The following COMMD1 variants were observed in gnomAD, a reference collection of about 807,000 sequenced individuals.
The protein encoded by COMMD1 is copper metabolism domain containing 1.
Under a neutral mutation model 17.2 loss-of-function variants are expected in COMMD1, and 10 were observed. That is an observed-to-expected ratio of 0.58 (90% CI 0.36 to 0.99). The LOEUF (loss-of-function observed/expected upper bound fraction) is 0.99, where lower values mean the gene tolerates loss of function less well. COMMD1 is among the 50% of genes least tolerant of loss of function. COMMD1 has a pLI of 0.01. For synonymous variants in COMMD1, 97 were observed against 91.6 expected, an observed-to-expected ratio of 1.06 and a Z score of -0.34; for missense variants, 270 against 231.8, an observed-to-expected ratio of 1.17 and a Z score of -1.07.
At chr2:62,041,960 G>C (rs543350098) in intron 2 of COMMD1, among the ~76,000 whole-genome samples, 2 of 152,218 alleles carry the variant, frequency 1.3e-5, no homozygotes, top group African/African-American at 4.8e-5. Context: ...TGTGGAAGAG[G>C]ACCTCAGCGG....
At chr2:61,921,589 G>A (rs1263941542) in intron 1 of COMMD1, among the ~76,000 whole-genome samples, 13 of 152,092 alleles carry the variant, frequency 8.5e-5, no homozygotes, top group Non-Finnish European at 1.9e-4. Flanking sequence ...GACTATAGGG[G>A]CCTGCCACCA....
chr2:62,101,105 A>AAG (rs1672165971), intron 2 of COMMD1, among the ~76,000 whole-genome samples: 1 of 151,338 alleles, frequency 6.6e-6, no homozygotes, highest in South Asian at 2.1e-4. Flanking sequence ...TTTAAAAAAA[A>AAG]AAAAAATGAG....
chr2:62,058,688 A>G (rs1404140558), intron 2 of COMMD1, among the ~76,000 whole-genome samples: 1 of 152,066 alleles, frequency 6.6e-6, no homozygotes, highest in African/African-American at 2.4e-5. Flanking sequence ...GCAGTGAGCC[A>G]TTATCGTGCT....
intron 2 of COMMD1, among the ~76,000 whole-genome samples, chr2:62,008,451 A>C (rs1044327811): frequency 2.0e-5 from 3 of 152,166 alleles, no homozygotes; most frequent in Non-Finnish European, 4.4e-5. Context: ...TAAGGATAGG[A>C]TATAGGGATT....
intron 1 of COMMD1, among the ~76,000 whole-genome samples, chr2:61,997,579 CACT>C (rs1445074448): frequency 6.6e-6 from 1 of 152,126 alleles, no homozygotes; most frequent in Non-Finnish European, 1.5e-5. Flanking sequence ...ATATTAAGCG[CACT>C]GTGAATATTT....
At position 62,135,877 on chromosome 2, in the gene COMMD1, A is replaced by G. The variant is rs200810058; in HGVS notation, c.509A>G (p.Gln170Arg). 3 of 1,606,028 alleles carry G rather than the reference A, an allele frequency of 1.9e-6. No homozygotes were observed. Among genetic ancestry groups the G allele is most frequent in the Non-Finnish European group, 2.6e-6 (3 of 1,172,614 alleles). The stretch of plus-strand genomic sequence containing the variant: ...GAATTTGATGAGGTCAAAGTCAACC[A>G]AATTCTGAAGACGCTGTCAGAGGTA... ...CLEFDEVKVN[Q>R]ILKTLSEVEE... Residue 170 changes from glutamine (Q) to arginine (R), a missense_variant, in exon 3 of 3, where the codon CAA becomes CGA. Transcript: ENST00000311832.
chr2:61,982,253 G>A (rs1671974562), intron 1 of COMMD1, among the ~76,000 whole-genome samples: 1 of 152,064 alleles, frequency 6.6e-6, no homozygotes, highest in Non-Finnish European at 1.5e-5. Flanking sequence ...ATTTGTAGCT[G>A]TTGTAAATGG....
intron 2 of COMMD1, among the ~76,000 whole-genome samples, chr2:62,007,116 G>C (rs1370886466): frequency 6.6e-6 from 1 of 152,026 alleles, no homozygotes; most frequent in Non-Finnish European, 1.5e-5. Context: ...TCTTTTCTTT[G>C]TTGTTTTTTA....
In COMMD1 at chr2:61,996,314, A is replaced by ATATGTGTGTG. The variant is rs1491191568; in HGVS notation, c.181-4386_181-4385insATGTGTGTGT. Among the ~76,000 whole-genome samples, 29 of 142,314 alleles carry ATATGTGTGTG rather than the reference A, an allele frequency of 2.0e-4. 1 individual carries two copies. Among genetic ancestry groups the ATATGTGTGTG allele is most frequent in the African/African-American group, 5.9e-4 (22 of 37,386 alleles). The allele number at this position is 142,314 out of a possible 152,430, so 93.4% of individuals were successfully genotyped here. ...TTGATGTCTTGTTTTTGTTTTCTAA[A>ATATGTGTGTG]TGTGTGTGTGTGTGTGTGTGTGTGT... On this transcript the variant is annotated intron_variant, in intron 1 of 2. Transcript: ENST00000311832.
intron 2 of COMMD1, among the ~76,000 whole-genome samples, chr2:62,100,736 A>T (rs1184827579): frequency 6.6e-6 from 1 of 152,206 alleles, no homozygotes; most frequent in Non-Finnish European, 1.5e-5. Context: ...CTGCCCTCAG[A>T]GACAATAGAT....
Position 61,954,083 on chromosome 2 carries a change from C to A in COMMD1, c.181-46618C>A, listed in dbSNP as rs556370935. 2.0e-5 allele frequency among the ~76,000 whole-genome samples: 3 copies of A among 152,066 alleles called. No homozygotes were observed. The South Asian group carries it at 6.2e-4, about 32-fold the overall frequency. On this transcript the variant is annotated intron_variant, in intron 1 of 2. Transcript: ENST00000311832. ...AAATAAAAAAATTAGCTGGCAGATA[C>A]CTGTAATCTCAGCTACTTGGGAGGC...
rs145616374 is a variant in COMMD1, at chr2:61,992,844, T to G, written c.181-7857T>G. Among the ~76,000 whole-genome samples the G allele has an allele frequency of 8.5e-5, 13 of 152,324 alleles. No individual in the cohort carries two copies. In the East Asian group the frequency reaches 2.5e-3, roughly 29 times the overall value. The stretch of plus-strand genomic sequence containing the variant: ...CATTTAACAGATAGTAATACATGCA[T>G]AATATAGTTCTATGCAGAGTTCCTG... On this transcript the variant is annotated intron_variant, in intron 1 of 2. Coordinates refer to ENST00000311832, the MANE Select transcript of COMMD1 (RefSeq NM_152516.4).
Position 62,038,570 on chromosome 2 carries a change from C to T in COMMD1, c.462+37588C>T, listed in dbSNP as rs893532669. On this transcript the variant is annotated intron_variant, in intron 2 of 2. Coordinates refer to ENST00000311832, the MANE Select transcript of COMMD1 (RefSeq NM_152516.4). The stretch of plus-strand genomic sequence containing the variant: ...TTTATTTATTTATTTATTTTTGAGA[C>T]GGAGTCTTGCTCTGTTGCCCAGGCT... 7.3e-5 allele frequency among the ~76,000 whole-genome samples: 11 copies of T among 151,226 alleles called. No homozygotes were observed. In the South Asian group the frequency reaches 8.3e-4, roughly 11 times the overall value.
chr2:62,094,791 T>G (rs1671953595), intron 2 of COMMD1, among the ~76,000 whole-genome samples: 1 of 152,242 alleles, frequency 6.6e-6, no homozygotes, highest in South Asian at 2.1e-4. Context: ...TGATACTTAA[T>G]GTTCAAATTT....
At chr2:62,015,695 G>GT (rs1175789686) in intron 2 of COMMD1, among the ~76,000 whole-genome samples, 13,862 of 126,788 alleles carry the variant, frequency 0.11, 1,232 homozygotes, top group African/African-American at 0.26. Flanking sequence ...TAGTTTCTGG[G>GT]TTTTTTTTTT....
chr2:62,061,598 C>G (rs1030397793), intron 2 of COMMD1, among the ~76,000 whole-genome samples: 5 of 149,424 alleles, frequency 3.3e-5, no homozygotes, highest in Admixed American at 6.7e-5. Flanking sequence ...CTCTGTTGCC[C>G]AGGCTGGAGT....
intron 2 of COMMD1, among the ~76,000 whole-genome samples, chr2:62,061,469 A>G (rs768854454): frequency 1.3e-5 from 2 of 151,836 alleles, no homozygotes; most frequent in Non-Finnish European, 2.9e-5. Flanking sequence ...TGTCCTGTAC[A>G]TTCAGAGTTT....
chr2:62,053,069 TC>T (rs939861732), intron 2 of COMMD1, among the ~76,000 whole-genome samples: 41 of 152,206 alleles, frequency 2.7e-4, no homozygotes, highest in African/African-American at 9.6e-4. Flanking sequence ...GACAGAGAGA[TC>T]CTGTCTCAAA....
At chr2:62,012,836 A>G (rs1669324275) in intron 2 of COMMD1, among the ~76,000 whole-genome samples, 1 of 152,176 alleles carries the variant, frequency 6.6e-6, no homozygotes. Context: ...AAAAGAAATT[A>G]AGATGCCCAG....
Sources: allele counts gnomAD v4.1 joint callset (sites outside exome capture counted in the v4.1 genomes callset), GRCh38; gene constraint gnomAD v4.1.1; transcripts MANE v1.5; gene names NCBI Gene and HGNC (gene_info 2026-07-23, HGNC 2026-07-21).